Variants in DYNC2I1 observed in about 807,000 individuals in gnomAD.
The protein encoded by DYNC2I1 is cytoplasmic dynein 2 intermediate chain 1.
In DYNC2I1, 89 loss-of-function variants were observed where a neutral mutation model predicts 133.4. That is an observed-to-expected ratio of 0.67 (90% confidence interval 0.56 to 0.80). DYNC2I1 has a LOEUF of 0.80. Among genes scored for constraint, DYNC2I1 ranks in the 30% least tolerant of loss-of-function variants. DYNC2I1 has a pLI of 0.00. For synonymous variants in DYNC2I1, 504 were observed against 484.3 expected, an observed-to-expected ratio of 1.04 and a Z score of -0.54; for missense variants, 1,291 against 1,314.5, an observed-to-expected ratio of 0.98 and a Z score of 0.28.
intron 8 of DYNC2I1, among the ~76,000 whole-genome samples, chr7:158,894,108 C>A (rs56340638): frequency 1.0e-4 from 4 of 39,498 alleles, no homozygotes; most frequent in South Asian, 6.4e-4. Flanking sequence ...AGTGCATATC[C>A]TACTGCATAT....
intron 14 of DYNC2I1, among the ~76,000 whole-genome samples, chr7:158,916,032 C>T (rs200160412): frequency 0.37 from 8,558 of 23,080 alleles, 559 homozygotes; most frequent in Admixed American, 0.43. Context: ...AACGTCTACA[C>T]GCTGGTTGAG....
chr7:158,871,654 T>TC, intron 3 of DYNC2I1, 92 bp downstream of exon 3: 1 of 1,319,478 alleles, frequency 7.6e-7, no homozygotes, highest in Non-Finnish European at 1.0e-6. Flanking sequence ...CCTCCCTCTC[T>TC]CCCCCGCTTC....
chr7:158,927,593 G>C (rs1209882660), intron 20 of DYNC2I1, among the ~76,000 whole-genome samples: 1 of 150,220 alleles, frequency 6.7e-6, no homozygotes, highest in Non-Finnish European at 1.5e-5. Context: ...CCGCTCTGTT[G>C]CCCAGGCTGC....
intron 15 of DYNC2I1, among the ~76,000 whole-genome samples, chr7:158,920,186 C>T (rs1848899291): frequency 6.6e-6 from 1 of 151,512 alleles, no homozygotes; most frequent in African/African-American, 2.4e-5. Flanking sequence ...AGCATGTGGC[C>T]TCCGTCGGGG....
At chr7:158,896,775 ATG>A (rs778690584) in intron 8 of DYNC2I1, among the ~76,000 whole-genome samples, 2 of 150,384 alleles carry the variant, frequency 1.3e-5, no homozygotes, top group African/African-American at 2.4e-5. Flanking sequence ...GCCTGGCCCT[ATG>A]TGATTCTTTG....
At chr7:158,905,143 T>TTC (rs1413514896) in intron 10 of DYNC2I1, 1 of 306,678 alleles carries the variant, frequency 3.3e-6, no homozygotes, top group Non-Finnish European at 6.5e-6. Context: ...TCTTTTTCTT[T>TTC]TTTTTTTTTT....
intron 5 of DYNC2I1, among the ~76,000 whole-genome samples, chr7:158,883,715 G>A (rs1450536282): frequency 1.5e-5 from 2 of 135,962 alleles, no homozygotes; most frequent in African/African-American, 2.8e-5. Context: ...CCAGGCTGGA[G>A]TGCATTGGCG....
At chr7:158,926,510 G>A in intron 19 of DYNC2I1, 47 bp downstream of exon 19, 1 of 1,596,020 alleles carries the variant, frequency 6.3e-7, no homozygotes, top group Non-Finnish European at 8.5e-7. Context: ...GAGTGAGGTG[G>A]TCTGGGTGGA....
At chr7:158,841,412 C>T in the DYNC2I1 span, among the ~76,000 whole-genome samples, 5 of 151,698 alleles carry the variant, frequency 3.3e-5, no homozygotes, top group Non-Finnish European at 5.9e-5. Flanking sequence ...GAGGTTTCAC[C>T]GTGTTGGTCA....
At chr7:158,873,537 G>T (rs1843065920) in intron 3 of DYNC2I1, among the ~76,000 whole-genome samples, 2 of 152,302 alleles carry the variant, frequency 1.3e-5, no homozygotes, top group South Asian at 4.1e-4. Context: ...TTCTGTTGGG[G>T]TGGAATATAC....
intron 12 of DYNC2I1, among the ~76,000 whole-genome samples, chr7:158,911,887 C>T (rs1847518423): frequency 6.6e-6 from 1 of 152,218 alleles, no homozygotes; most frequent in Non-Finnish European, 1.5e-5. Flanking sequence ...CACTCCAGAG[C>T]CTTCAGGAGC....
the DYNC2I1 span, among the ~76,000 whole-genome samples, chr7:158,843,676 T>C: frequency 6.6e-6 from 1 of 152,158 alleles, no homozygotes; most frequent in Non-Finnish European, 1.5e-5. Context: ...GATTATAGGC[T>C]GAGCCACCGT....
intron 10 of DYNC2I1, 139 bp from the exon 11 acceptor site, chr7:158,905,850 T>C (rs1846747200): frequency 1.5e-6 from 1 of 655,174 alleles, no homozygotes; most frequent in Non-Finnish European, 2.6e-6. Context: ...CAAATGCTTA[T>C]GAAAGATGTT....
chr7:158,886,009 T>C (rs1844561263), intron 6 of DYNC2I1, among the ~76,000 whole-genome samples: 1 of 149,296 alleles, frequency 6.7e-6, no homozygotes. Flanking sequence ...TTTAGAAAGA[T>C]TTTATATTTT....
At chr7:158,892,209 A>G (rs1435269193) in intron 8 of DYNC2I1, among the ~76,000 whole-genome samples, 4 of 152,170 alleles carry the variant, frequency 2.6e-5, no homozygotes, top group African/African-American at 9.7e-5. Flanking sequence ...ACTTGACTAA[A>G]AGCCACTGGG....
chr7:158,926,147 T>G, intron 17 of DYNC2I1, 40 bp from the exon 18 acceptor site: 2 of 1,492,752 alleles, frequency 1.3e-6, no homozygotes, highest in Non-Finnish European at 1.9e-6. Context: ...TTCTTCAACT[T>G]ACTACTTACA....
At chr7:158,910,847 G>A (rs1433318566) in intron 11 of DYNC2I1, among the ~76,000 whole-genome samples, 4 of 150,870 alleles carry the variant, frequency 2.7e-5, no homozygotes, top group Non-Finnish European at 5.9e-5. Flanking sequence ...GCTGTGTCAG[G>A]CCTGTGGGCG....
chr7:158,891,268 G>A lies in DYNC2I1; in HGVS notation c.994G>A (p.Gly332Ser). Residue 332 changes from glycine (G) to serine (S), a missense_variant, in exon 8 of 25, where the codon GGC becomes AGC. Physicochemically the swap from Gly to Ser is moderately conservative, Grantham distance 56. Coordinates refer to ENST00000407559, the MANE Select transcript of DYNC2I1 (RefSeq NM_018051.5). ...GKDKDSRRKH[G>S]HEEGSSVWWK... ...GGGGCTGTTCTCTCTCCATTAGCATGGCCACGAGGAAGGCTCTTCTGTGTG... is the reference window on the plus strand; with the variant it reads ...GGGGCTGTTCTCTCTCCATTAGCATAGCCACGAGGAAGGCTCTTCTGTGTG... 6.2e-7 allele frequency: 1 copy of A among 1,614,046 alleles called. No homozygotes were observed. Among genetic ancestry groups the A allele is most frequent in the East Asian group, 2.2e-5 (1 of 44,886 alleles).
intron 8 of DYNC2I1, among the ~76,000 whole-genome samples, chr7:158,899,424 G>C (rs1846034477): frequency 6.6e-6 from 1 of 152,102 alleles, no homozygotes; most frequent in African/African-American, 2.4e-5. Flanking sequence ...TTATCTGTTA[G>C]ATCAATTAAG....
Sources: gnomAD v4.1 joint callset for allele counts (sites outside exome capture counted in the v4.1 genomes callset) on GRCh38, gnomAD v4.1.1 for gene constraint, MANE v1.5 for transcripts, NCBI Gene and HGNC (gene_info 2026-07-23, HGNC 2026-07-21) for gene names.